REEP1: variants seen among roughly 807,000 people sequenced by gnomAD.
The protein encoded by REEP1 is receptor accessory protein 1, also known as receptor expression-enhancing protein 1.
A neutral mutation model predicts 40.3 loss-of-function variants in REEP1; 22 were observed. The observed-to-expected ratio is 0.55, with a 90% CI of 0.39 to 0.78. The LOEUF (loss-of-function observed/expected upper bound fraction) is 0.78. REEP1 is among the 30% of genes least tolerant of loss of function. REEP1 has a pLI of 0.00. For missense variants in REEP1, 280 were observed against 361.1 expected, an observed-to-expected ratio of 0.78 and a Z score of 1.82; for synonymous variants, 116 against 139.2, an observed-to-expected ratio of 0.83 and a Z score of 1.17.
At chr2:86,247,034 C>T (rs1676006106) in intron 5 of REEP1, among the ~76,000 whole-genome samples, 1 of 152,012 alleles carries the variant, frequency 6.6e-6, no homozygotes, top group Non-Finnish European at 1.5e-5. Context: ...ATATGTTTTG[C>T]TTAACAAATA....
intron 7 of REEP1, among the ~76,000 whole-genome samples, chr2:86,225,654 C>T (rs147412470): frequency 3.9e-5 from 6 of 152,344 alleles, no homozygotes; most frequent in Non-Finnish European, 5.9e-5. Context: ...AAACAGGACA[C>T]GTCACATAAT....
At chr2:86,261,839 C>T (rs1019473116) in intron 3 of REEP1, among the ~76,000 whole-genome samples, 1 of 152,252 alleles carries the variant, frequency 6.6e-6, no homozygotes, top group African/African-American at 2.4e-5. Flanking sequence ...GTATAAAACC[C>T]GATTGTACGT....
At chr2:86,238,950 G>A (rs372761539) in intron 5 of REEP1, among the ~76,000 whole-genome samples, 87 of 152,132 alleles carry the variant, frequency 5.7e-4, no homozygotes, top group African/African-American at 1.7e-3. Flanking sequence ...TCTGAATAGC[G>A]GAAATGCCTG....
chr2:86,294,179 T>C (rs1678863632), intron 1 of REEP1, among the ~76,000 whole-genome samples: 2 of 152,224 alleles, frequency 1.3e-5, no homozygotes, highest in East Asian at 1.9e-4. Context: ...TGTGGAGTTA[T>C]AATTTTCAGT....
At chr2:86,321,715 T>C (rs1334436771) in intron 1 of REEP1, among the ~76,000 whole-genome samples, 1 of 152,230 alleles carries the variant, frequency 6.6e-6, no homozygotes, top group Admixed American at 6.5e-5. Flanking sequence ...TCACATTGTC[T>C]CAATGAAAGT....
chr2:86,313,382 A>C (rs6738718), intron 1 of REEP1, among the ~76,000 whole-genome samples: 1 of 151,812 alleles, frequency 6.6e-6, no homozygotes, highest in African/African-American at 2.4e-5. Flanking sequence ...CTTTCTGCTA[A>C]GTTGTTGGGC....
At chr2:86,270,127 A>G (rs552186010) in intron 2 of REEP1, among the ~76,000 whole-genome samples, 6 of 152,342 alleles carry the variant, frequency 3.9e-5, no homozygotes, top group African/African-American at 7.2e-5. Flanking sequence ...ACATAACAAG[A>G]TACTTATCCT....
At chr2:86,323,790 C>T (rs1421078532) in intron 1 of REEP1, among the ~76,000 whole-genome samples, 1 of 152,142 alleles carries the variant, frequency 6.6e-6, no homozygotes, top group African/African-American at 2.4e-5. Context: ...ACTAACACAG[C>T]GTGGCACTGT....
chr2:86,300,912 T>C (rs1027616576), intron 1 of REEP1, among the ~76,000 whole-genome samples: 14 of 152,278 alleles, frequency 9.2e-5, no homozygotes, highest in African/African-American at 3.1e-4. Flanking sequence ...TGAAAAATCA[T>C]GCATCTCTGT....
At chr2:86,218,212 G>A (rs955153762) in intron 8 of REEP1, among the ~76,000 whole-genome samples, 1 of 152,124 alleles carries the variant, frequency 6.6e-6, no homozygotes, top group African/African-American at 2.4e-5. Flanking sequence ...ACCAGGCATC[G>A]TCACCTCCTT....
Position 86,319,115 on chromosome 2 carries a change from T to A in REEP1, c.32+18364A>T, listed in dbSNP as rs140719152. On this transcript the variant is annotated intron_variant, in intron 1 of 8. Coordinates refer to ENST00000538924, the MANE Select transcript of REEP1 (RefSeq NM_001371279.1). ...GACAGAGTGTCACGCACAGGAGACA[T>A]AGTTGAGGGCAATGCTTCTTAAACT... is the stretch of plus-strand genomic sequence containing the variant. Among the ~76,000 whole-genome samples the A allele has an allele frequency of 1.6e-4, 24 of 152,214 alleles. No individual in the cohort carries two copies. The East Asian group carries it at 4.6e-3, about 29-fold the overall frequency.
At chr2:86,256,656 C>A (rs968441964) in intron 3 of REEP1, among the ~76,000 whole-genome samples, 2 of 152,166 alleles carry the variant, frequency 1.3e-5, no homozygotes, top group African/African-American at 4.8e-5. Flanking sequence ...CCTGACGGAC[C>A]CTGAGTGGCC....
In REEP1 at chr2:86,254,877, A is replaced by C. The variant is rs577564391; in HGVS notation, c.183-63T>G. 5.3e-4 allele frequency: 848 copies of C among 1,592,586 alleles called. 12 individuals carry two copies. Among genetic ancestry groups the C allele is most frequent in the South Asian group, 3.8e-3 (341 of 90,134 alleles). Reference sequence around the variant, plus strand: ...CTCAGCAACACTGCCCTTTTGAAGGATGAGACCCGGTGGGTGGCAAGGACG... The same window carrying C: ...CTCAGCAACACTGCCCTTTTGAAGGCTGAGACCCGGTGGGTGGCAAGGACG... On this transcript the variant is annotated intron_variant, in intron 3 of 8. Transcript: ENST00000538924.
At chr2:86,289,783 G>A (rs1023351022) in intron 1 of REEP1, among the ~76,000 whole-genome samples, 5 of 152,044 alleles carry the variant, frequency 3.3e-5, no homozygotes, top group Non-Finnish European at 7.4e-5. Flanking sequence ...TTTAGGTTTT[G>A]GGGGTTTTTT....
At chr2:86,292,975 C>G (rs1678803396) in intron 1 of REEP1, among the ~76,000 whole-genome samples, 1 of 152,218 alleles carries the variant, frequency 6.6e-6, no homozygotes, top group Admixed American at 6.5e-5. Flanking sequence ...GCCCACCAGG[C>G]ACTGTACAAG....
At chr2:86,263,214 T>C (rs1360412132) in intron 3 of REEP1, among the ~76,000 whole-genome samples, 1 of 152,120 alleles carries the variant, frequency 6.6e-6, no homozygotes, top group Non-Finnish European at 1.5e-5. Flanking sequence ...CACACACACA[T>C]ATATTAGTTT....
At position 86,214,437 on chromosome 2, in the gene REEP1, C is replaced by T. The variant is rs1008671705; in HGVS notation, c.*2602G>A. 1.3e-5 allele frequency: 2 copies of T among 152,692 alleles called. No individual in the cohort carries two copies. Among genetic ancestry groups the T allele is most frequent in the Non-Finnish European group, 2.9e-5 (2 of 68,060 alleles). 9.5% of individuals were successfully genotyped at this position (152,692 alleles called of 1,614,324 possible). A position where few individuals can be genotyped will look rare whatever the true frequency, so the allele number is the denominator to read the frequency against. ...AGTTTATAAGCACAAGTCCACATCT[C>T]ACCTCCTCAGAACAGGTGCTCAATG... is the stretch of plus-strand genomic sequence containing the variant. On this transcript the variant is annotated 3_prime_UTR_variant, in exon 9 of 9. Transcript: ENST00000538924.
At chr2:86,288,032 A>ATTATTTTTTTTTTTTTTTTT (rs1558916454) in intron 1 of REEP1, among the ~76,000 whole-genome samples, 1 of 149,754 alleles carries the variant, frequency 6.7e-6, no homozygotes, top group African/African-American at 2.5e-5. Context: ...TATTTTTATT[A>ATTATTTTTTTTTTTTTTTTT]TTTTTTTGAG....
intron 5 of REEP1, among the ~76,000 whole-genome samples, chr2:86,248,746 G>C (rs1402216444): frequency 1.3e-5 from 2 of 152,132 alleles, no homozygotes; most frequent in African/African-American, 4.8e-5. Context: ...CACCATGACT[G>C]GCCAAACAGG....
Sources: allele counts gnomAD v4.1 joint callset (sites outside exome capture counted in the v4.1 genomes callset), GRCh38; gene constraint gnomAD v4.1.1; transcripts MANE v1.5; gene names NCBI Gene and HGNC (gene_info 2026-07-23, HGNC 2026-07-21).